Variants in SERPING1 observed in about 807,000 individuals in gnomAD.
SERPING1 encodes the protein serpin family G member 1, also known as plasma protease C1 inhibitor.
In SERPING1, 5 loss-of-function variants were observed where a neutral mutation model predicts 34.1. That is an observed-to-expected ratio of 0.15 (90% CI 0.08 to 0.31). The LOEUF is 0.31. SERPING1 is among the 10% of genes least tolerant of loss of function. The pLI is 1.00. For missense variants in SERPING1, 505 were observed against 609.5 expected, an observed-to-expected ratio of 0.83 and a Z score of 1.81; for synonymous variants, 225 against 242.4, an observed-to-expected ratio of 0.93 and a Z score of 0.67.
Position 57,607,398 on chromosome 11 carries a change from C to G in SERPING1, c.1029+851C>G, listed in dbSNP as rs11229066. Among the ~76,000 whole-genome samples the G allele has an allele frequency of 0.21, 32,216 of 152,064 alleles. 3,912 individuals are homozygous for G. The highest frequency in any genetic ancestry group is 0.27 in the Non-Finnish European group (18,609 of 67,962). ...CTCCTCCTCACCCTGTAATATCACTCCTGTTTTATTATATTCATTACACTC... is the reference window on the plus strand; with the variant it reads ...CTCCTCCTCACCCTGTAATATCACTGCTGTTTTATTATATTCATTACACTC... On this transcript the variant is annotated intron_variant, in intron 6 of 7. Coordinates refer to ENST00000278407, the MANE Select transcript of SERPING1 (RefSeq NM_000062.3).
At position 57,611,784 on chromosome 11, in the gene SERPING1, G is replaced by T; in HGVS notation, c.1097G>T (p.Arg366Leu). 1 of 1,614,222 alleles carries T rather than the reference G, an allele frequency of 6.2e-7. No individual in the cohort carries two copies. Among genetic ancestry groups the T allele is most frequent in the Non-Finnish European group, 8.5e-7 (1 of 1,180,046 alleles). ...CTGGTACCCCAGAACCTGAAACATC[G>T]TCTTGAAGACATGGAACAGGCTCTC... ...VILVPQNLKH[R>L]LEDMEQALSP... Residue 366 changes from arginine (R) to leucine (L), a missense_variant, in exon 7 of 8, where the codon CGT (arginine) becomes CTT (leucine). Arg to Leu is a moderately radical substitution (Grantham distance 102). Coordinates refer to ENST00000278407, the MANE Select transcript of SERPING1 (RefSeq NM_000062.3).
rs560862322 is a variant in SERPING1 at position 57,604,177 on chromosome 11, T to C, written c.686-1833T>C. Among the ~76,000 whole-genome samples, 112 of 151,492 alleles carry C rather than the reference T, an allele frequency of 7.4e-4. 1 individual carries two copies. The Middle Eastern group carries it at 0.01, about 14-fold the overall frequency. The stretch of plus-strand genomic sequence containing the variant: ...GAATACCCATATGCATTCATTAATA[T>C]ATAGGGCTAGAGGGCTAGAGAGCTA... On this transcript the variant is annotated intron_variant, in intron 4 of 7. Coordinates refer to ENST00000278407, the MANE Select transcript of SERPING1 (RefSeq NM_000062.3).
rs1322367122 is a variant in SERPING1 at position 57,611,779 on chromosome 11, AC to A, written c.1093del (p.His365IlefsTer32). ...TGATCCTGGTACCCCAGAACCTGAAACATCGTCTTGAAGACATGGAACAGGC... is the reference window on the plus strand; with the variant it reads ...TGATCCTGGTACCCCAGAACCTGAAAATCGTCTTGAAGACATGGAACAGGC... ...LVILVPQNLK[H>X]RLEDMEQALS... On this transcript the variant is annotated frameshift_variant, in exon 7 of 8. Coordinates refer to ENST00000278407, the MANE Select transcript of SERPING1 (RefSeq NM_000062.3). LOFTEE classifies it high-confidence loss of function. 6.2e-7 allele frequency: 1 copy of A among 1,614,126 alleles called. No homozygotes were observed. The highest frequency in any genetic ancestry group is 8.5e-7 in the Non-Finnish European group (1 of 1,180,044).
At chr11:57,600,949 T>C (rs1193794823) in intron 3 of SERPING1, among the ~76,000 whole-genome samples, 2 of 87,512 alleles carry the variant, frequency 2.3e-5, no homozygotes, top group African/African-American at 8.2e-5. Flanking sequence ...AGACTCTGTC[T>C]CAAAAAAAAA....
intron 4 of SERPING1, among the ~76,000 whole-genome samples, chr11:57,604,129 C>A: frequency 1.8e-4 from 2 of 10,824 alleles, no homozygotes; most frequent in African/African-American, 3.1e-4. Context: ...GAGACTCTGT[C>A]TCAAAAAAAA....
At chr11:57,611,677 G>T in intron 6 of SERPING1, 40 bp from the exon 7 acceptor site, 1 of 1,572,676 alleles carries the variant, frequency 6.4e-7, no homozygotes. Context: ...GGAGAGAGAT[G>T]CGGTAGGAAG....
intron 4 of SERPING1, 22 bp from the exon 5 acceptor site, chr11:57,605,988 C>A (rs746938218): frequency 6.2e-7 from 1 of 1,609,650 alleles, no homozygotes; most frequent in South Asian, 1.1e-5. Context: ...ACTCATGCCT[C>A]CCTTTCTCAA....
intron 1 of SERPING1, chr11:57,598,015 A>C: frequency 7.5e-6 from 4 of 531,650 alleles, no homozygotes; most frequent in East Asian, 3.3e-5. Flanking sequence ...ACAGATGGAC[A>C]GAGACCCGGG....
chr11:57,614,330 T>G lies in SERPING1; in HGVS notation c.1252T>G (p.Phe418Val). The G allele has an allele frequency of 6.2e-7, 1 of 1,613,726 alleles. No homozygotes were observed. The highest frequency in any genetic ancestry group is 8.5e-7 in the Non-Finnish European group (1 of 1,180,016). ...GTTTTTCTCTGGTTTTGCCCTAGAATTCTTCGATTTTTCTTATGACCTTAA... is the reference window on the plus strand; with the variant it reads ...GTTTTTCTCTGGTTTTGCCCTAGAAGTCTTCGATTTTTCTTATGACCTTAA... ...DMLSIMEKLE[F>V]FDFSYDLNLC... The change falls in exon 8 of 8, where the codon TTC becomes GTC. Residue 418 changes from phenylalanine to valine, a missense_variant and splice_region_variant. Phe to Val is a conservative substitution (Grantham distance 50). Coordinates refer to ENST00000278407, the MANE Select transcript of SERPING1 (RefSeq NM_000062.3).
intron 4 of SERPING1, chr11:57,605,757 C>T (rs1313289602): frequency 3.6e-6 from 2 of 552,998 alleles, no homozygotes; most frequent in Non-Finnish European, 6.5e-6. Context: ...GATTATCTTG[C>T]CGAGCCATAG....
At position 57,602,151 on chromosome 11, in the gene SERPING1, C is replaced by G; in HGVS notation, c.667C>G (p.Gln223Glu). ...FTTKGVTSVS[Q>E]IFHSPDLAIR... ...GACCAAAGGTGTCACCTCAGTCTCT[C>G]AGATCTTCCACAGCCCAGGTGAGTG... Residue 223 changes from glutamine (Q) to glutamate (E), a missense_variant, in exon 4 of 8, where the codon CAG becomes GAG. By Grantham distance (29) the Gln-to-Glu change is conservative. Coordinates refer to ENST00000278407, the MANE Select transcript of SERPING1 (RefSeq NM_000062.3). The G allele has an allele frequency of 6.2e-7, 1 of 1,614,220 alleles. No individual in the cohort carries two copies. Among genetic ancestry groups the G allele is most frequent in the Non-Finnish European group, 8.5e-7 (1 of 1,180,048 alleles).
intron 4 of SERPING1, 70 bp from the exon 5 acceptor site, chr11:57,605,940 T>TTAGTGAATACGGCATGGTGGAG (rs1945403939): frequency 7.3e-7 from 1 of 1,376,764 alleles, no homozygotes; most frequent in African/African-American, 1.4e-5. Context: ...GCATGCTCAC[T>TTAGTGAATACGGCATGGTGGAG]CTCAAATCGT....
chr11:57,614,485 G>C lies in SERPING1; in HGVS notation c.1407G>C (p.Leu469=). Residue 469 remains leucine (L), a synonymous_variant, in exon 8 of 8, where the codon CTG becomes CTC. Coordinates refer to ENST00000278407, the MANE Select transcript of SERPING1 (RefSeq NM_000062.3). ...CCATCTCTGTGGCCCGCACCCTGCT[G>C]GTCTTTGAAGTGCAGCAGCCCTTCC... is the stretch of plus-strand genomic sequence containing the variant. ...ASAISVARTL[L]VFEVQQPFLF... is the part of the protein sequence containing the mutation. 1 of 1,614,094 alleles carries C rather than the reference G, an allele frequency of 6.2e-7. No individual in the cohort carries two copies. The highest frequency in any genetic ancestry group is 8.5e-7 in the Non-Finnish European group (1 of 1,180,018).
intron 7 of SERPING1, among the ~76,000 whole-genome samples, chr11:57,613,532 G>A (rs947775934): frequency 6.6e-6 from 1 of 152,212 alleles, no homozygotes; most frequent in African/African-American, 2.4e-5. Context: ...GGATACAGAT[G>A]AACAGCCAGT....
At chr11:57,606,644 A>G in intron 6 of SERPING1, 97 bp downstream of exon 6, 3 of 1,233,928 alleles carry the variant, frequency 2.4e-6, no homozygotes, top group Non-Finnish European at 3.6e-6. Context: ...ACATGCTTAC[A>G]AATTCATCAC....
intron 4 of SERPING1, 160 bp from the exon 5 acceptor site, chr11:57,605,850 T>G (rs1945402935): frequency 1.3e-6 from 1 of 753,898 alleles, no homozygotes; most frequent in South Asian, 1.4e-5. Context: ...GGGCCTTATT[T>G]GCCACATCTG....
At chr11:57,606,657 C>A in intron 6 of SERPING1, 110 bp downstream of exon 6, 1 of 1,090,388 alleles carries the variant, frequency 9.2e-7, no homozygotes, top group Non-Finnish European at 1.4e-6. Context: ...TTCATCACTT[C>A]TACTCCTTCC....
At chr11:57,608,714 T>C (rs1945440609) in intron 6 of SERPING1, among the ~76,000 whole-genome samples, 4 of 151,984 alleles carry the variant, frequency 2.6e-5, no homozygotes, top group South Asian at 4.2e-4. Flanking sequence ...GGTTTCACCA[T>C]GTTGGCCAGG....
chr11:57,614,628 C>T lies in SERPING1; in HGVS notation c.*47C>T. On this transcript the variant is annotated 3_prime_UTR_variant, in exon 8 of 8. Coordinates refer to ENST00000278407, the MANE Select transcript of SERPING1 (RefSeq NM_000062.3). ...GCGAGCGCTACCTCTCCAGCCTCAG[C>T]TCTCAGTTGCAGCCCTGCTGCTGCC... 1 of 1,597,960 alleles carries T rather than the reference C, an allele frequency of 6.3e-7. No homozygotes were observed. Among genetic ancestry groups the T allele is most frequent in the South Asian group, 1.1e-5 (1 of 89,888 alleles).
Sources: gnomAD v4.1 joint callset for allele counts (sites outside exome capture counted in the v4.1 genomes callset) on GRCh38, gnomAD v4.1.1 for gene constraint, MANE v1.5 for transcripts, NCBI Gene and HGNC (gene_info 2026-07-23, HGNC 2026-07-21) for gene names.